Variants in IFIH1 observed in about 807,000 individuals in gnomAD.
The protein encoded by IFIH1 is interferon-induced helicase C domain-containing protein 1.
In IFIH1, 125 loss-of-function variants were observed where a neutral mutation model predicts 107.4. That is an observed-to-expected ratio of 1.16 (90% CI 1.01 to 1.35). The LOEUF is 1.35. Ranked by LOEUF, IFIH1 falls within the 40% of genes most tolerant of loss-of-function variation. IFIH1 has a pLI of 0.00. For missense variants in IFIH1, 1,333 were observed against 1,213.7 expected, an observed-to-expected ratio of 1.10 and a Z score of -1.46; for synonymous variants, 458 against 413.2, an observed-to-expected ratio of 1.11 and a Z score of -1.31.
Position 162,267,252 on chromosome 2 carries a change from G to C in IFIH1, c.3026C>G (p.Thr1009Arg), listed in dbSNP as rs1304821268. 7 of 1,610,208 alleles carry C rather than the reference G, an allele frequency of 4.3e-6. No homozygotes were observed. Among genetic ancestry groups the C allele is most frequent in the African/African-American group, 1.3e-5 (1 of 74,702 alleles). ...QYKKWVELPI[T>R]FPNLDYSECC... ...TTCTGAATAGTCAAGATTGGGAAAT[G>C]TGATAGGTAATTCTACCCACTTTTT... Residue 1009 changes from threonine (T) to arginine (R), a missense_variant, in exon 16 of 16, where the codon ACA (threonine) becomes AGA (arginine). Coordinates refer to ENST00000649979, the MANE Select transcript of IFIH1 (RefSeq NM_022168.4).
chr2:162,314,416 T>TTTTCTTTTC (rs1553461354), intron 1 of IFIH1, among the ~76,000 whole-genome samples: 41 of 51,466 alleles, frequency 8.0e-4, no homozygotes, highest in Non-Finnish European at 1.0e-3. Context: ...TCTTTCTTTC[T>TTTTCTTTTC]TTTCTTTCTT....
intron 11 of IFIH1, among the ~76,000 whole-genome samples, chr2:162,276,176 C>T (rs1343156471): frequency 1.3e-5 from 2 of 152,140 alleles, no homozygotes; most frequent in Non-Finnish European, 2.9e-5. Flanking sequence ...TCAAAAACCA[C>T]AGATTTGATT....
intron 1 of IFIH1, among the ~76,000 whole-genome samples, chr2:162,315,416 G>A (rs1198055948): frequency 1.3e-5 from 2 of 152,142 alleles, no homozygotes; most frequent in South Asian, 2.1e-4. Flanking sequence ...ACTTTAAGAA[G>A]TATATCTCAA....
rs1558877570 is a variant in IFIH1, at chr2:162,314,470, TTCTTTCTTTCTTTC to T, written c.453+3371_453+3384del. ...TTTCTTTCTTTCTTTCTTTCTTTCT[TTCTTTCTTTCTTTC>T]TTTTTCTTTCTCTCTTTCTTATTAG... On this transcript the variant is annotated intron_variant, in intron 1 of 15. Transcript: ENST00000649979. Among the ~76,000 whole-genome samples the T allele has an allele frequency of 1.1e-3, 145 of 131,362 alleles. 13 individuals carry two copies. The highest frequency in any genetic ancestry group is 4.7e-3 in the African/African-American group (138 of 29,130). The allele number at this position is 131,362 out of a possible 152,430, so 86.2% of individuals were successfully genotyped here. A position where few individuals can be genotyped will look rare whatever the true frequency, so the allele number is the denominator to read the frequency against.
At chr2:162,267,690 C>T in intron 14 of IFIH1, 121 bp from the exon 15 acceptor site, 1 of 723,640 alleles carries the variant, frequency 1.4e-6, no homozygotes, top group Non-Finnish European at 2.4e-6. Context: ...GGCATTCCTT[C>T]CTTCCCTCCT....
In IFIH1 at chr2:162,278,212, T is replaced by G; in HGVS notation, c.1758A>C (p.Glu586Asp). ...GGTCCAAACCTAAATTACCTTTTTT[T>G]TCCATTTGAATGGCCCATTGTTCAT... ...QPYEQWAIQM[E>D]KKAAKEGNRK... Residue 586 changes from glutamate (E) to aspartate (D), a missense_variant, in exon 9 of 16, where the codon GAA becomes GAC. Glu to Asp is a conservative substitution (Grantham distance 45, BLOSUM62 2). Coordinates refer to ENST00000649979, the MANE Select transcript of IFIH1 (RefSeq NM_022168.4). The G allele has an allele frequency of 6.2e-7, 1 of 1,603,306 alleles. No individual in the cohort carries two copies. Among genetic ancestry groups the G allele is most frequent in the Middle Eastern group, 1.9e-4 (1 of 5,362 alleles).
chr2:162,277,622 T>G lies in IFIH1; in HGVS notation c.1837A>C (p.Ile613Leu), dbSNP rs1235926337. The change falls in exon 10 of 16, where the codon ATT (isoleucine) becomes CTT (leucine). Residue 613 changes from isoleucine to leucine, a missense_variant. Coordinates refer to ENST00000649979, the MANE Select transcript of IFIH1 (RefSeq NM_022168.4). ...HLRKYNEALQ[I>L]NDTIRMIDAY... Reference sequence around the variant, plus strand: ...TCTATCATTCGAATTGTGTCATTAATTTGTAGGGCCTCATTGTACTTCCTC... The same window carrying G: ...TCTATCATTCGAATTGTGTCATTAAGTTGTAGGGCCTCATTGTACTTCCTC... 1 of 1,613,354 alleles carries G rather than the reference T, an allele frequency of 6.2e-7. No homozygotes were observed. Among genetic ancestry groups the G allele is most frequent in the East Asian group, 2.2e-5 (1 of 44,852 alleles).
At chr2:162,267,620 G>C (rs1050559626) in intron 14 of IFIH1, 51 bp from the exon 15 acceptor site, 3 of 1,310,586 alleles carry the variant, frequency 2.3e-6, no homozygotes, top group Admixed American at 1.7e-5. Context: ...CAAAATACCA[G>C]TGTGTAGTTC....
At chr2:162,309,025 A>G (rs866845198) in intron 2 of IFIH1, among the ~76,000 whole-genome samples, 1 of 152,202 alleles carries the variant, frequency 6.6e-6, no homozygotes, top group South Asian at 2.1e-4. Context: ...TTTCCATAAT[A>G]CAATGGTGGG....
At chr2:162,309,439 A>G (rs1683352256) in intron 2 of IFIH1, among the ~76,000 whole-genome samples, 1 of 152,314 alleles carries the variant, frequency 6.6e-6, no homozygotes. Context: ...TTTTGGGGGC[A>G]TTCTTTCCTT....
At chr2:162,298,484 T>C (rs1683134541) in intron 3 of IFIH1, among the ~76,000 whole-genome samples, 1 of 152,126 alleles carries the variant, frequency 6.6e-6, no homozygotes, top group African/African-American at 2.4e-5. Context: ...GGTAATTTCA[T>C]GTTTATTCTA....
chr2:162,267,619 A>G (rs1428616657), intron 14 of IFIH1, 50 bp from the exon 15 acceptor site: 23 of 1,315,318 alleles, frequency 1.7e-5, no homozygotes, highest in Admixed American at 3.4e-5. Flanking sequence ...ACAAAATACC[A>G]GTGTGTAGTT....
intron 2 of IFIH1, among the ~76,000 whole-genome samples, chr2:162,307,968 G>A (rs956700835): frequency 1.3e-5 from 2 of 152,072 alleles, no homozygotes; most frequent in African/African-American, 2.4e-5. Context: ...CCATTTTACT[G>A]AGGAGTAAAC....
chr2:162,272,283 C>T lies in IFIH1; in HGVS notation c.2559G>A (p.Met853Ile), dbSNP rs376785582. ...HETVNDFREK[M>I]MYKAIHCVQN... ...GAACACAATGTATAGCTTTATACAT[C>T]ATCTTCTCTCGGAAATCATTAACTG... Residue 853 changes from methionine to isoleucine, a missense_variant, in exon 13 of 16, where the codon ATG becomes ATA. By Grantham distance (10) the Met-to-Ile change is conservative. Transcript: ENST00000649979. 2 of 1,611,960 alleles carry T rather than the reference C, an allele frequency of 1.2e-6. No individual in the cohort carries two copies. Among genetic ancestry groups the T allele is most frequent in the African/African-American group, 2.7e-5 (2 of 74,846 alleles).
chr2:162,277,767 A>AT, intron 9 of IFIH1, 74 bp from the exon 10 acceptor site: 5 of 1,491,130 alleles, frequency 3.4e-6, no homozygotes, highest in Non-Finnish European at 4.5e-6. Context: ...GGACTTGAAT[A>AT]TATGTTACTA....
rs138057665 is a variant in IFIH1, at chr2:162,278,247, T to C, written c.1723A>G (p.Thr575Ala). Residue 575 changes from threonine to alanine, a missense_variant, in exon 9 of 16, where the codon ACT (threonine) becomes GCT (alanine). Thr to Ala is a moderately conservative substitution (Grantham distance 58). Transcript: ENST00000649979. Reference sequence around the variant, plus strand: ...ATGGCCCATTGTTCATAGGGTTGAGTTCCAAAATCTGACATTGGACTCATT... The same window carrying C: ...ATGGCCCATTGTTCATAGGGTTGAGCTCCAAAATCTGACATTGGACTCATT... ...CQMSPMSDFG[T>A]QPYEQWAIQM... is the part of the protein sequence containing the mutation. 2.6e-4 allele frequency: 413 copies of C among 1,602,898 alleles called. 3 individuals are homozygous for C. The African/African-American group carries it at 4.8e-3, about 19-fold the overall frequency.
At chr2:162,317,174 C>G (rs1394515582) in intron 1 of IFIH1, among the ~76,000 whole-genome samples, 2 of 152,244 alleles carry the variant, frequency 1.3e-5, no homozygotes, top group East Asian at 3.9e-4. Flanking sequence ...GGCACACAGT[C>G]TCCATCCAAT....
chr2:162,290,012 A>G (rs1682968814), intron 4 of IFIH1, among the ~76,000 whole-genome samples: 1 of 151,888 alleles, frequency 6.6e-6, no homozygotes, highest in Admixed American at 6.6e-5. Context: ...CTCTATTAGG[A>G]TAGTTTGTCA....
rs772816802 is a variant in IFIH1 at position 162,268,046 on chromosome 2, C to T, written c.2807+41G>A. ...ACATTTACAATGCAACCTGCTTCAC[C>T]CCTTGTGGAAAAATGTAAAAATGGG... On this transcript the variant is annotated intron_variant, in intron 14 of 15. Transcript: ENST00000649979. 5.0e-6 allele frequency: 7 copies of T among 1,408,708 alleles called. No individual in the cohort carries two copies. In the African/African-American group the frequency reaches 8.7e-5, roughly 17 times the overall value. The allele number at this position is 1,408,708 out of a possible 1,614,324, so 87.3% of individuals were successfully genotyped here.
Sources: gnomAD v4.1 joint callset for allele counts (sites outside exome capture counted in the v4.1 genomes callset) on GRCh38, gnomAD v4.1.1 for gene constraint, MANE v1.5 for transcripts, NCBI Gene and HGNC (gene_info 2026-07-23, HGNC 2026-07-21) for gene names.